Variants in MCC observed in about 807,000 individuals in gnomAD.
MCC encodes colorectal mutant cancer protein.
In MCC, 90 loss-of-function variants were observed where a neutral mutation model predicts 116.2. That is an observed-to-expected ratio of 0.77 (90% CI 0.65 to 0.92). The LOEUF (loss-of-function observed/expected upper bound fraction) is 0.92, where lower values mean the gene tolerates loss of function less well. MCC is among the 40% of genes least tolerant of loss of function. The pLI is 0.00. For missense variants in MCC, 1,516 were observed against 1,312.2 expected (o/e 1.16, Z -2.40); for synonymous variants, 578 against 510.5 (o/e 1.13, Z -1.78).
At position 113,159,736 on chromosome 5, in the gene MCC, G is replaced by T. The variant is rs545632996; in HGVS notation, c.628-8314C>A. Among the ~76,000 whole-genome samples, 673 of 152,338 alleles carry T rather than the reference G, an allele frequency of 4.4e-3. 1 individual carries two copies. Among genetic ancestry groups the T allele is most frequent in the Non-Finnish European group, 7.6e-3 (517 of 68,028 alleles). Reference sequence around the variant, plus strand: ...GGCAAAAGGGTAGTGTTCCCTGCTAGATGGATACCATCAGGCCTGTTCAGT... The same window carrying T: ...GGCAAAAGGGTAGTGTTCCCTGCTATATGGATACCATCAGGCCTGTTCAGT... On this transcript the variant is annotated intron_variant, in intron 3 of 18. Transcript: ENST00000408903.
intron 1 of MCC, among the ~76,000 whole-genome samples, chr5:113,394,352 C>T (rs887255270): frequency 1.3e-5 from 2 of 152,136 alleles, no homozygotes; most frequent in African/African-American, 4.8e-5. Context: ...TCACTCTTTC[C>T]AACAGGCAGC....
intron 3 of MCC, among the ~76,000 whole-genome samples, chr5:113,247,932 C>G (rs1379907218): frequency 6.6e-6 from 1 of 152,080 alleles, no homozygotes; most frequent in Non-Finnish European, 1.5e-5. Context: ...TCAGGAAGCA[C>G]AGTGTTGAGA....
Position 113,261,465 on chromosome 5 carries a change from C to A in MCC, c.627+79054G>T, listed in dbSNP as rs965042087. ...AGCTGTGCTTCAAGAAGTTTGCCCACCTTTTCCTGAACTTCTTCTGTATTA... is the reference window on the plus strand; with the variant it reads ...AGCTGTGCTTCAAGAAGTTTGCCCAACTTTTCCTGAACTTCTTCTGTATTA... On this transcript the variant is annotated intron_variant, in intron 3 of 18. Transcript: ENST00000408903. 2.0e-5 allele frequency among the ~76,000 whole-genome samples: 3 copies of A among 152,122 alleles called. No homozygotes were observed. The East Asian group carries it at 5.8e-4, about 29-fold the overall frequency.
intron 1 of MCC, among the ~76,000 whole-genome samples, chr5:113,465,036 AAATTC>A (rs1341249565): frequency 6.6e-6 from 1 of 152,164 alleles, no homozygotes. Flanking sequence ...TTTCCAATTA[AAATTC>A]AATGGAATTT....
intron 3 of MCC, among the ~76,000 whole-genome samples, chr5:113,220,540 C>T (rs988867668): frequency 2.6e-5 from 4 of 152,140 alleles, no homozygotes; most frequent in African/African-American, 9.7e-5. Flanking sequence ...TCTTGCACAT[C>T]TGTTGTCAAA....
chr5:113,082,793 G>C (rs149975763), intron 11 of MCC, 67 bp downstream of exon 11: 4 of 1,569,494 alleles, frequency 2.5e-6, no homozygotes, highest in Middle Eastern at 1.7e-4. Flanking sequence ...ACAGATCTTT[G>C]GAAAGAGAAG....
intron 3 of MCC, among the ~76,000 whole-genome samples, chr5:113,299,880 C>G (rs1025744110): frequency 6.6e-6 from 1 of 152,160 alleles, no homozygotes; most frequent in African/African-American, 2.4e-5. Flanking sequence ...GCTTGGGTTC[C>G]TCTCCTTCCT....
At chr5:113,202,553 T>C (rs1220010391) in intron 3 of MCC, among the ~76,000 whole-genome samples, 1 of 152,174 alleles carries the variant, frequency 6.6e-6, no homozygotes, top group Non-Finnish European at 1.5e-5. Flanking sequence ...GTCATTCAGA[T>C]ACGCCGACAG....
chr5:113,070,534 A>T (rs1753964751), intron 12 of MCC, among the ~76,000 whole-genome samples: 1 of 152,230 alleles, frequency 6.6e-6, no homozygotes, highest in South Asian at 2.1e-4. Flanking sequence ...CCTTTGACCT[A>T]CAATTCCTGC....
intron 3 of MCC, among the ~76,000 whole-genome samples, chr5:113,253,373 T>C (rs1764872663): frequency 6.6e-6 from 1 of 152,094 alleles, no homozygotes. Context: ...CTACCTACTC[T>C]CCAAAGGGAG....
rs912026971 is a variant in MCC, at chr5:113,397,062, C to G, written c.171-11850G>C. Among the ~76,000 whole-genome samples, 9 of 152,124 alleles carry G rather than the reference C, an allele frequency of 5.9e-5. No homozygotes were observed. In the South Asian group the frequency reaches 6.2e-4, roughly 10 times the overall value. On this transcript the variant is annotated intron_variant, in intron 1 of 18. Coordinates refer to ENST00000408903, the MANE Select transcript of MCC (RefSeq NM_001085377.2). ...CTGCTATGGATAAATGCACCTCAGCCCCTTTTTAAAATTCAGCTTTTAATT... is the reference window on the plus strand; with the variant it reads ...CTGCTATGGATAAATGCACCTCAGCGCCTTTTTAAAATTCAGCTTTTAATT...
chr5:113,154,697 AGTT>A (rs1314334277), intron 3 of MCC, among the ~76,000 whole-genome samples: 1 of 152,230 alleles, frequency 6.6e-6, no homozygotes, highest in African/African-American at 2.4e-5. Flanking sequence ...GAATTTGTGT[AGTT>A]GTGTGTTGGC....
intron 17 of MCC, among the ~76,000 whole-genome samples, chr5:113,042,019 C>T (rs1282121104): frequency 1.3e-5 from 2 of 151,368 alleles, no homozygotes; most frequent in South Asian, 2.1e-4. Flanking sequence ...CAAAACCTCT[C>T]GAACAGGTGA....
intron 1 of MCC, among the ~76,000 whole-genome samples, chr5:113,413,999 A>G (rs1770069408): frequency 6.6e-6 from 1 of 152,204 alleles, no homozygotes; most frequent in Admixed American, 6.5e-5. Context: ...TTCAAAGAAC[A>G]TCTTTATTTC....
intron 1 of MCC, among the ~76,000 whole-genome samples, chr5:113,409,548 C>T (rs1769923537): frequency 6.6e-6 from 1 of 152,004 alleles, no homozygotes; most frequent in Non-Finnish European, 1.5e-5. Context: ...GATGGGGTCT[C>T]ACTATGTAGC....
intron 11 of MCC, among the ~76,000 whole-genome samples, 198 bp from the exon 12 acceptor site, chr5:113,071,432 T>A (rs1205948426): frequency 6.6e-6 from 1 of 152,062 alleles, no homozygotes; most frequent in African/African-American, 2.4e-5. Context: ...AAATAAAAAA[T>A]AAGCCCCCTG....
intron 3 of MCC, among the ~76,000 whole-genome samples, chr5:113,329,492 A>G (rs995680638): frequency 3.9e-5 from 6 of 152,120 alleles, no homozygotes; most frequent in Non-Finnish European, 7.4e-5. Flanking sequence ...ACACACATAT[A>G]TAAACACAAC....
chr5:113,367,669 C>T (rs112343798), intron 2 of MCC, among the ~76,000 whole-genome samples: 3 of 145,268 alleles, frequency 2.1e-5, no homozygotes, highest in Non-Finnish European at 4.5e-5. Flanking sequence ...AGAGAGAGAG[C>T]GAGAGAGAGA....
chr5:113,484,841 T>A (rs2150437489), intron 1 of MCC, among the ~76,000 whole-genome samples: 1 of 152,298 alleles, frequency 6.6e-6, no homozygotes, highest in Non-Finnish European at 1.5e-5. Context: ...TCCACCACCT[T>A]CTATAATATG....
Sources: allele counts gnomAD v4.1 joint callset (sites outside exome capture counted in the v4.1 genomes callset), GRCh38; gene constraint gnomAD v4.1.1; transcripts MANE v1.5; gene names NCBI Gene and HGNC (gene_info 2026-07-23, HGNC 2026-07-21).